Variants in RGL3 observed in about 807,000 individuals in gnomAD.
RGL3 encodes the protein ral guanine nucleotide dissociation stimulator like 3.
RGL3 carries 85 observed loss-of-function variants against 90.6 expected under a neutral mutation model. The ratio of observed to expected loss-of-function variants is 0.94; its 90% CI spans 0.79 to 1.12. RGL3 has a LOEUF of 1.12. RGL3 is among the 50% of genes most tolerant of loss of function. The pLI, the probability that RGL3 is intolerant of heterozygous loss-of-function variation, is 0.00. For missense variants in RGL3, 1,034 were observed against 939.2 expected (o/e 1.10, Z -1.32); for synonymous variants, 408 against 385.5 (o/e 1.06, Z -0.68).
chr19:11,416,817 G>T lies in RGL3; in HGVS notation c.371+19C>A, dbSNP rs1384966924. On this transcript the variant is annotated intron_variant, in intron 3 of 18. Transcript: ENST00000380456. ...GGGTTCTAGGGTGGAGAATACGGAG[G>T]TTATGGTTCGCTACTGACCCGGGAG... 1.2e-6 allele frequency: 2 copies of T among 1,612,476 alleles called. No individual in the cohort carries two copies. The highest frequency in any genetic ancestry group is 1.3e-5 in the African/African-American group (1 of 74,886).
At chr19:11,414,153 A>ATATATATATATATATATACACACC (rs1968921583) in intron 5 of RGL3, among the ~76,000 whole-genome samples, 12 of 85,008 alleles carry the variant, frequency 1.4e-4, no homozygotes, top group South Asian at 4.9e-4. Context: ...ATATATATAT[A>ATATATATATATATATATACACACC]TATATATATA....
intron 2 of RGL3, 103 bp downstream of exon 2, chr19:11,418,568 C>T: frequency 1.1e-6 from 1 of 927,700 alleles, no homozygotes; most frequent in Non-Finnish European, 1.6e-6. Flanking sequence ...GAGCCCCTCC[C>T]TTCCTTCCGC....
At position 11,394,855 on chromosome 19, in the gene RGL3, C is replaced by T. The variant is rs567986370; in HGVS notation, c.2015-335G>A. Among the ~76,000 whole-genome samples, 81 of 151,982 alleles carry T rather than the reference C, an allele frequency of 5.3e-4. 2 individuals are homozygous for T. The South Asian group carries it at 0.016, about 29-fold the overall frequency. ...CTGTAATCCCAGCGCTTTGGGAGGC[C>T]GAAGTGGGTGGATCACTTGAGGTCA... On this transcript the variant is annotated intron_variant, in intron 18 of 18. Transcript: ENST00000380456.
chr19:11,414,501 A>G (rs1339414660), intron 5 of RGL3, among the ~76,000 whole-genome samples: 2 of 75,948 alleles, frequency 2.6e-5, no homozygotes, highest in Non-Finnish European at 5.0e-5. Context: ...ATATATATAT[A>G]TATATATATA....
chr19:11,396,325 G>A (rs939766384), intron 18 of RGL3, among the ~76,000 whole-genome samples: 16 of 149,776 alleles, frequency 1.1e-4, no homozygotes, highest in African/African-American at 3.9e-4. Flanking sequence ...GTGCCACCAT[G>A]CCCAGCTAAT....
rs557170398 is a variant in RGL3 at position 11,405,093 on chromosome 19, T to A, written c.1185+54A>T. 3.1e-5 allele frequency: 45 copies of A among 1,467,424 alleles called. No homozygotes were observed. In the South Asian group the frequency reaches 4.9e-4, roughly 16 times the overall value. The allele number at this position is 1,467,424 out of a possible 1,614,324, so 90.9% of individuals were successfully genotyped here. A position where few individuals can be genotyped will look rare whatever the true frequency, so the allele number is the denominator to read the frequency against. ...GAGATTACCCCTGCCTGGCCCCAAGTCCCTCCCCCGACTTCCCGGGCCTAA... is the reference window on the plus strand; with the variant it reads ...GAGATTACCCCTGCCTGGCCCCAAGACCCTCCCCCGACTTCCCGGGCCTAA... On this transcript the variant is annotated intron_variant, in intron 9 of 18. Coordinates refer to ENST00000380456, the MANE Select transcript of RGL3 (RefSeq NM_001035223.4).
chr19:11,414,183 A>T (rs1454164504), intron 5 of RGL3, among the ~76,000 whole-genome samples: 1 of 103,690 alleles, frequency 9.6e-6, no homozygotes, highest in African/African-American at 4.1e-5. Flanking sequence ...ATATACACCT[A>T]TATATATATA....
rs939607739 is a variant in RGL3 at position 11,399,930 on chromosome 19, G to C, written c.1671C>G (p.Pro557=). ...PTSSVSPGSP[P]SSPRSRDAPA... is the part of the protein sequence containing the mutation. Reference sequence around the variant, plus strand: ...GAGCATCTCTGCTTCTAGGACTTGAGGGGGGTGACCCTGGGGACACACTGG... The same window carrying C: ...GAGCATCTCTGCTTCTAGGACTTGACGGGGGTGACCCTGGGGACACACTGG... The change falls in exon 16 of 19, where the codon CCC becomes CCG. Residue 557 remains proline (P), a synonymous_variant. Transcript: ENST00000380456. 5 of 1,542,596 alleles carry C rather than the reference G, an allele frequency of 3.2e-6. No homozygotes were observed. The highest frequency in any genetic ancestry group is 3.5e-6 in the Non-Finnish European group (4 of 1,152,178).
In RGL3 at chr19:11,405,332, GC is replaced by G. The variant is rs1568338165; in HGVS notation, c.1090del (p.Ala364GlnfsTer2). 1.2e-6 allele frequency: 2 copies of G among 1,613,148 alleles called. No homozygotes were observed. Among genetic ancestry groups the G allele is most frequent in the Non-Finnish European group, 1.7e-6 (2 of 1,179,630 alleles). On this transcript the variant is annotated frameshift_variant, in exon 8 of 19. Coordinates refer to ENST00000380456, the MANE Select transcript of RGL3 (RefSeq NM_001035223.4). LOFTEE classifies it high-confidence loss of function. ...PIYRLKRSWGAVSREPLSTFR... is the reference protein window; with the variant it reads ...PIYRLKRSWGXVSREPLSTFR... ...TCCCGCCCCAGCTCACCGGCTCACTGCCCCCCAGCTGCGCTTGAGCCGGTAG... is the reference window on the plus strand; with the variant it reads ...TCCCGCCCCAGCTCACCGGCTCACTGCCCCCAGCTGCGCTTGAGCCGGTAG...
At chr19:11,402,306 C>T in intron 11 of RGL3, 59 bp from the exon 12 acceptor site, 2 of 1,599,846 alleles carry the variant, frequency 1.3e-6, no homozygotes, top group Non-Finnish European at 1.7e-6. Flanking sequence ...GGGTCAAGGT[C>T]AGGGGCTGGG....
intron 5 of RGL3, among the ~76,000 whole-genome samples, chr19:11,408,371 C>T (rs1249935584): frequency 6.6e-6 from 1 of 152,066 alleles, no homozygotes; most frequent in African/African-American, 2.4e-5. Context: ...CACCTGAGGT[C>T]AGGAGTTCGA....
chr19:11,409,342 G>C (rs552240230), intron 5 of RGL3, among the ~76,000 whole-genome samples: 3 of 151,952 alleles, frequency 2.0e-5, no homozygotes, highest in Admixed American at 1.3e-4. Context: ...TTAGCCAGGC[G>C]TGGTGGCGGG....
rs942724338 is a variant in RGL3, at chr19:11,400,046, G to T, written c.1643C>A (p.Thr548Asn). 1 of 1,605,998 alleles carries T rather than the reference G, an allele frequency of 6.2e-7. No homozygotes were observed. The highest frequency in any genetic ancestry group is 8.5e-7 in the Non-Finnish European group (1 of 1,177,596). ...CACCAAGCAGAATGCTCACCTGGAG[G>T]TGGGGGATGAGGGGTCCCCGGGACT... ...SGSPGDPSSP[T>N]SSVSPGSPPS... Residue 548 changes from threonine to asparagine, a missense_variant, in exon 15 of 19, where the codon ACC becomes AAC. By Grantham distance (65) the Thr-to-Asn change is moderately conservative (BLOSUM62 0). Transcript: ENST00000380456.
rs767143386 is a variant in RGL3 at position 11,406,487 on chromosome 19, G to C, written c.928C>G (p.Leu310Val). The stretch of plus-strand genomic sequence containing the variant: ...GGGGCGGCCAAGCCCGGTGCTCCGA[G>C]CACGGAACCCAGCACACAGCCGGTC... The part of the protein sequence containing the change: ...TVTGCVLGSV[L>V]GAPGLAAPQR... The change falls in exon 7 of 19, where the codon CTC (leucine) becomes GTC (valine). Residue 310 changes from leucine (L) to valine (V), a missense_variant. Transcript: ENST00000380456. 6.4e-7 allele frequency: 1 copy of C among 1,554,882 alleles called. No homozygotes were observed. Among genetic ancestry groups the C allele is most frequent in the South Asian group, 1.2e-5 (1 of 84,766 alleles).
At position 11,402,035 on chromosome 19, in the gene RGL3, T is replaced by C. The variant is rs1411424259; in HGVS notation, c.1460A>G (p.Gln487Arg). The C allele has an allele frequency of 1.1e-5, 17 of 1,560,736 alleles. No individual in the cohort carries two copies. The highest frequency in any genetic ancestry group is 1.4e-5 in the Non-Finnish European group (16 of 1,153,674). The change falls in exon 13 of 19, where the codon CAG (glutamine) becomes CGG (arginine). Residue 487 changes from glutamine (Q) to arginine (R), a missense_variant. Transcript: ENST00000380456. Reference sequence around the variant, plus strand: ...CCTCTGCTCCTCGGTGAGCTGGTTCTGGGCATGCAGGGCAGCCAGGATGGG... The same window carrying C: ...CCTCTGCTCCTCGGTGAGCTGGTTCCGGGCATGCAGGGCAGCCAGGATGGG... ...HPPILAALHA[Q>R]NQLTEEQSYR...
intron 5 of RGL3, among the ~76,000 whole-genome samples, chr19:11,407,998 C>G (rs1222122010): frequency 6.6e-6 from 1 of 151,872 alleles, no homozygotes; most frequent in South Asian, 2.1e-4. Context: ...AACAGGCTCT[C>G]CCTTGGTCAC....
Position 11,397,454 on chromosome 19 carries a change from T to TC in RGL3, c.1889dup (p.Ser631LysfsTer30). The TC allele has an allele frequency of 6.2e-7, 1 of 1,608,636 alleles. No individual in the cohort carries two copies. Among genetic ancestry groups the TC allele is most frequent in the South Asian group, 1.1e-5 (1 of 90,394 alleles). Reference sequence around the variant, plus strand: ...CAGCCCAGCCCCTCACCAAGATGCTTCGATACAGGTTCCCGTGGTCATTGT... The same window carrying TC: ...CAGCCCAGCCCCTCACCAAGATGCTTCCGATACAGGTTCCCGTGGTCATTGT... On this transcript the variant is annotated frameshift_variant, in exon 17 of 19. Coordinates refer to ENST00000380456, the MANE Select transcript of RGL3 (RefSeq NM_001035223.4). LOFTEE classifies it high-confidence loss of function.
chr19:11,409,911 A>G (rs1968844727), intron 5 of RGL3, among the ~76,000 whole-genome samples: 1 of 152,004 alleles, frequency 6.6e-6, no homozygotes, highest in Non-Finnish European at 1.5e-5. Context: ...TCTCCTTTGT[A>G]CTAGTTATGG....
chr19:11,411,091 C>T (rs1968866444), intron 5 of RGL3, among the ~76,000 whole-genome samples: 1 of 151,472 alleles, frequency 6.6e-6, no homozygotes, highest in Admixed American at 6.6e-5. Context: ...CACCTGTAAA[C>T]TCAGCTACTC....
Sources: gnomAD v4.1 joint callset for allele counts (sites outside exome capture counted in the v4.1 genomes callset) on GRCh38, gnomAD v4.1.1 for gene constraint, MANE v1.5 for transcripts, NCBI Gene and HGNC (gene_info 2026-07-23, HGNC 2026-07-21) for gene names.